CTNNA2: variants seen among roughly 807,000 people sequenced by gnomAD.
The protein encoded by CTNNA2 is catenin alpha 2.
In CTNNA2, 42 loss-of-function variants were observed where a neutral mutation model predicts 101.0. The ratio of observed to expected loss-of-function variants is 0.42; its 90% confidence interval spans 0.32 to 0.54. The LOEUF (loss-of-function observed/expected upper bound fraction) is 0.54, where lower values mean the gene tolerates loss of function less well. Among genes scored for constraint, CTNNA2 ranks in the 20% least tolerant of loss-of-function variants. The pLI is 0.14. For synonymous variants in CTNNA2, 450 were observed against 456.4 expected, an observed-to-expected ratio of 0.99 and a Z score of 0.18; for missense variants, 871 against 1,223.1, an observed-to-expected ratio of 0.71 and a Z score of 4.29.
At chr2:79,341,297 G>C (rs1022415549) in intron 3 of CTNNA2, among the ~76,000 whole-genome samples, 1 of 152,172 alleles carries the variant, frequency 6.6e-6, no homozygotes, top group Admixed American at 6.5e-5. Context: ...TTAAAATGCA[G>C]TATGATCAGA....
chr2:79,914,571 T>G (rs1027932746), intron 7 of CTNNA2, among the ~76,000 whole-genome samples: 1 of 152,268 alleles, frequency 6.6e-6, no homozygotes, highest in East Asian at 1.9e-4. Flanking sequence ...ATGCATAAAC[T>G]CTCTGTGTAG....
At position 80,341,389 on chromosome 2, in the gene CTNNA2, G is replaced by A. The variant is rs143189371; in HGVS notation, c.1057-51822G>A. Among the ~76,000 whole-genome samples, 1,183 of 152,142 alleles carry A rather than the reference G, an allele frequency of 7.8e-3. 18 individuals are homozygous for A. Among genetic ancestry groups the A allele is most frequent in the African/African-American group, 0.026 (1,094 of 41,518 alleles). ...GCTCATCACTCTAGAGCTTCCAAGC[G>A]TTTTAGAAGCTGTGTGACAGGAACA... On this transcript the variant is annotated intron_variant, in intron 7 of 18. Transcript: ENST00000402739.
chr2:79,202,851 C>T (rs1366274560), intron 2 of CTNNA2, among the ~76,000 whole-genome samples: 1 of 152,130 alleles, frequency 6.6e-6, no homozygotes, highest in Non-Finnish European at 1.5e-5. Flanking sequence ...ATTTCATCCC[C>T]AAAAGGGTCA....
Position 80,445,558 on chromosome 2 carries a change from G to A in CTNNA2, c.1290+25957G>A, listed in dbSNP as rs143942152. On this transcript the variant is annotated intron_variant, in intron 9 of 18. Coordinates refer to ENST00000402739, the MANE Select transcript of CTNNA2 (RefSeq NM_001282597.3). ...GGTTCTCAAACTTTCCTGTGTATAA[G>A]AGTCACCAAGGGGAACATAGTAAAA... Among the ~76,000 whole-genome samples the A allele has an allele frequency of 9.2e-4, 140 of 152,230 alleles. 2 individuals are homozygous for A. The highest frequency in any genetic ancestry group is 3.2e-3 in the African/African-American group (132 of 41,540).
At chr2:80,136,862 C>G (rs560594167) in intron 7 of CTNNA2, among the ~76,000 whole-genome samples, 388 of 152,278 alleles carry the variant, frequency 2.5e-3, no homozygotes, top group African/African-American at 8.9e-3. Flanking sequence ...CTTTACTGGA[C>G]AGAAGGTCAG....
At chr2:79,804,184 C>T (rs776970438) in intron 3 of CTNNA2, among the ~76,000 whole-genome samples, 4 of 152,098 alleles carry the variant, frequency 2.6e-5, no homozygotes, top group Non-Finnish European at 5.9e-5. Flanking sequence ...ATAATTTTAG[C>T]ACATTTTTGT....
At chr2:80,264,108 A>G (rs2149127887) in intron 7 of CTNNA2, among the ~76,000 whole-genome samples, 1 of 152,304 alleles carries the variant, frequency 6.6e-6, no homozygotes, top group African/African-American at 2.4e-5. Flanking sequence ...GCTCATACAT[A>G]TCAATGAGAA....
chr2:79,333,185 C>T (rs892971482), intron 3 of CTNNA2, among the ~76,000 whole-genome samples: 15 of 151,498 alleles, frequency 9.9e-5, no homozygotes, highest in Non-Finnish European at 1.8e-4. Context: ...GATAATAAGA[C>T]ATATTCAAGC....
upstream of CTNNA2, among the ~76,000 whole-genome samples, chr2:79,510,067 G>A (rs560830505): frequency 1.5e-4 from 23 of 152,194 alleles, no homozygotes; most frequent in Admixed American, 1.2e-3. Flanking sequence ...TGCCAATATT[G>A]GCTTGGAGTA....
chr2:79,632,374 T>C (rs999513022), intron 1 of CTNNA2, among the ~76,000 whole-genome samples: 1 of 152,152 alleles, frequency 6.6e-6, no homozygotes, highest in South Asian at 2.1e-4. Flanking sequence ...CTAAATAAAC[T>C]CCTAACCAGA....
At chr2:80,489,279 AG>A (rs1384883123) in intron 9 of CTNNA2, among the ~76,000 whole-genome samples, 1 of 152,206 alleles carries the variant, frequency 6.6e-6, no homozygotes, top group Non-Finnish European at 1.5e-5. Flanking sequence ...GATATAATCC[AG>A]GGGGTTTATA....
chr2:79,554,779 A>G (rs1314909612), intron 1 of CTNNA2, among the ~76,000 whole-genome samples: 7 of 152,176 alleles, frequency 4.6e-5, no homozygotes, highest in African/African-American at 1.7e-4. Context: ...TATTGTCATT[A>G]TTTCATAAAT....
chr2:80,151,207 C>G (rs1703673295), intron 7 of CTNNA2, among the ~76,000 whole-genome samples: 1 of 152,200 alleles, frequency 6.6e-6, no homozygotes, highest in African/African-American at 2.4e-5. Flanking sequence ...TATTTCCCCT[C>G]CAAGCCAACA....
intron 9 of CTNNA2, among the ~76,000 whole-genome samples, 198 bp from the exon 10 acceptor site, chr2:80,544,784 T>C (rs1691893730): frequency 6.6e-6 from 1 of 152,176 alleles, no homozygotes; most frequent in South Asian, 2.1e-4. Context: ...AGTCGTGAAA[T>C]GCCTTTTCTG....
chr2:79,630,378 G>C (rs1679607138), intron 1 of CTNNA2, among the ~76,000 whole-genome samples: 1 of 152,206 alleles, frequency 6.6e-6, no homozygotes, highest in African/African-American at 2.4e-5. Flanking sequence ...AACAGTGGGA[G>C]ACCATCAGAG....
At position 79,646,347 on chromosome 2, in the gene CTNNA2, ACTTTT is replaced by A. The variant is rs1260421648; in HGVS notation, c.-5-5197_-5-5193del. Reference sequence around the variant, plus strand: ...TCACAGAGGAGCCCATTTTACTCTGACTTTTCTTTTCTGTCAGGTTTTGTATTTTC... The same window carrying A: ...TCACAGAGGAGCCCATTTTACTCTGACTTTTCTGTCAGGTTTTGTATTTTC... On this transcript the variant is annotated intron_variant, in intron 1 of 18. Transcript: ENST00000402739. 1.5e-4 allele frequency among the ~76,000 whole-genome samples: 23 copies of A among 152,176 alleles called. No homozygotes were observed. The East Asian group carries it at 3.7e-3, about 24-fold the overall frequency.
intron 7 of CTNNA2, among the ~76,000 whole-genome samples, chr2:79,957,719 G>A (rs1689338155): frequency 6.6e-6 from 1 of 152,160 alleles, no homozygotes. Flanking sequence ...TCAGGACCCT[G>A]TCTCATCCCA....
At chr2:79,257,666 A>G (rs1291387705) in intron 2 of CTNNA2, among the ~76,000 whole-genome samples, 1 of 152,126 alleles carries the variant, frequency 6.6e-6, no homozygotes, top group Non-Finnish European at 1.5e-5. Flanking sequence ...GGATTTAAGA[A>G]GATTAAAAGA....
chr2:79,725,951 T>G (rs1686813379), intron 2 of CTNNA2, among the ~76,000 whole-genome samples: 1 of 152,220 alleles, frequency 6.6e-6, no homozygotes, highest in South Asian at 2.1e-4. Flanking sequence ...CATTTGTCCC[T>G]CTGCCAGGTG....
Sources: gnomAD v4.1 joint callset for allele counts (sites outside exome capture counted in the v4.1 genomes callset) on GRCh38, gnomAD v4.1.1 for gene constraint, MANE v1.5 for transcripts, NCBI Gene and HGNC (gene_info 2026-07-23, HGNC 2026-07-21) for gene names.